Variants in KRT72 observed in about 807,000 individuals in gnomAD.
KRT72 encodes the protein keratin, type II cytoskeletal 72.
KRT72 carries 44 observed loss-of-function variants against 44.7 expected under a neutral mutation model. The ratio of observed to expected loss-of-function variants is 0.98; its 90% confidence interval spans 0.77 to 1.27. The LOEUF is 1.27. Among genes scored for constraint, KRT72 ranks in the 50% most tolerant of loss-of-function variants. KRT72 has a pLI of 0.00. For synonymous variants in KRT72, 302 were observed against 280.4 expected (o/e 1.08, Z -0.77); for missense variants, 736 against 667.1 (o/e 1.10, Z -1.14).
Position 52,601,015 on chromosome 12 carries a change from C to T in KRT72, c.426+12G>A. Reference sequence around the variant, plus strand: ...GCCCAACGCAGGGACAGGCCAATGCCCGAGGACTCACCTTGTCGATGAAGG... The same window carrying T: ...GCCCAACGCAGGGACAGGCCAATGCTCGAGGACTCACCTTGTCGATGAAGG... On this transcript the variant is annotated intron_variant, in intron 1 of 8. Coordinates refer to ENST00000293745, the MANE Select transcript of KRT72 (RefSeq NM_080747.3). 2 of 1,610,882 alleles carry T rather than the reference C, an allele frequency of 1.2e-6. No individual in the cohort carries two copies. The highest frequency in any genetic ancestry group is 1.7e-6 in the Non-Finnish European group (2 of 1,179,004).
upstream of KRT72, chr12:52,601,483 G>C (rs1403904465): frequency 6.5e-7 from 1 of 1,529,448 alleles, no homozygotes; most frequent in African/African-American, 1.4e-5. Context: ...GGCCGCGCGG[G>C]AGGCAGAAGG....
upstream of KRT72, among the ~76,000 whole-genome samples, chr12:52,602,667 C>T (rs777859111): frequency 3.7e-4 from 56 of 152,322 alleles, no homozygotes; most frequent in Non-Finnish European, 6.9e-4. Flanking sequence ...CTCTGCTCCC[C>T]CAGTGCTCAG....
intron 2 of KRT72, among the ~76,000 whole-genome samples, chr12:52,594,919 A>T (rs935737989): frequency 6.6e-6 from 1 of 152,206 alleles, no homozygotes; most frequent in African/African-American, 2.4e-5. Flanking sequence ...TGTCTTATTC[A>T]AAAGATAACT....
In KRT72 at chr12:52,590,940, C is replaced by T. The variant is rs746246094; in HGVS notation, c.985G>A (p.Ala329Thr). The T allele has an allele frequency of 3.1e-6, 5 of 1,600,184 alleles. No individual in the cohort carries two copies. The Admixed American group carries it at 8.4e-5, about 27-fold the overall frequency. Residue 329 changes from alanine (A) to threonine (T), a missense_variant, in exon 6 of 9, where the codon GCA becomes ACA. Physicochemically the swap from Ala to Thr is moderately conservative, Grantham distance 58 (BLOSUM62 0). Coordinates refer to ENST00000293745, the MANE Select transcript of KRT72 (RefSeq NM_080747.3). The stretch of plus-strand genomic sequence containing the variant: ...TTGAGGTCATCCCCATGCTGGCCTG[C>T]TGTGACCTGCAGCTCCTGGATCTGA... ...QTKIQELQVT[A>T]GQHGDDLKLT...
chr12:52,588,405 A>G, intron 6 of KRT72, among the ~76,000 whole-genome samples: 2 of 152,244 alleles, frequency 1.3e-5, no homozygotes, highest in East Asian at 3.8e-4. Context: ...TGGGAACGGA[A>G]AACCAAACAC....
At chr12:52,600,771 T>G (rs889844878) in intron 1 of KRT72, among the ~76,000 whole-genome samples, 1 of 151,974 alleles carries the variant, frequency 6.6e-6, no homozygotes, top group Non-Finnish European at 1.5e-5. Flanking sequence ...ATCAGCAGCA[T>G]GAAAATGGGC....
chr12:52,600,558 TCTC>T (rs1255159803), intron 1 of KRT72, among the ~76,000 whole-genome samples: 1 of 152,208 alleles, frequency 6.6e-6, no homozygotes, highest in Non-Finnish European at 1.5e-5. Context: ...CTCCTGCTAT[TCTC>T]CTAATAGTGA....
chr12:52,601,371 C>T lies in KRT72; in HGVS notation c.82G>A (p.Gly28Ser). The T allele has an allele frequency of 1.9e-6, 3 of 1,543,262 alleles. No individual in the cohort carries two copies. The highest frequency in any genetic ancestry group is 1.7e-6 in the Non-Finnish European group (2 of 1,146,892). ...GCCCGGAATGAGGCGGAGCTGCTGC[C>T]GATCCCGCCAGAGAGGACCGCGGAG... ...GCSAVLSGGI[G>S]SSSASFRARV... Residue 28 changes from glycine to serine, a missense_variant, in exon 1 of 9, where the codon GGC becomes AGC. Physicochemically the swap from Gly to Ser is moderately conservative, Grantham distance 56. Coordinates refer to ENST00000293745, the MANE Select transcript of KRT72 (RefSeq NM_080747.3).
At chr12:52,587,118 T>G (rs71443262) in intron 7 of KRT72, 138 bp from the exon 8 acceptor site, 182,548 of 755,344 alleles carry the variant, frequency 0.24, 24,238 homozygotes, top group South Asian at 0.34. Flanking sequence ...TTCCCACACA[T>G]CCCAGTGCGA....
chr12:52,586,715 T>C (rs542469215), intron 8 of KRT72, among the ~76,000 whole-genome samples: 6 of 152,224 alleles, frequency 3.9e-5, no homozygotes, highest in East Asian at 3.8e-4. Flanking sequence ...CGTTGGATGA[T>C]ACACTCATGA....
At position 52,601,330 on chromosome 12, in the gene KRT72, C is replaced by A; in HGVS notation, c.123G>T (p.Ser41=). The change falls in exon 1 of 9, where the codon TCG becomes TCT. Residue 41 remains serine, a synonymous_variant. Coordinates refer to ENST00000293745, the MANE Select transcript of KRT72 (RefSeq NM_080747.3). ...AGAGGCTCTTGCTGCCAAAGGAGGCCGAGCCCTTGACCCGGGCCCGGAATG... is the reference window on the plus strand; with the variant it reads ...AGAGGCTCTTGCTGCCAAAGGAGGCAGAGCCCTTGACCCGGGCCCGGAATG... ...SASFRARVKG[S]ASFGSKSLSC... 1.3e-6 allele frequency: 2 copies of A among 1,545,216 alleles called. No homozygotes were observed. Among genetic ancestry groups the A allele is most frequent in the Non-Finnish European group, 8.7e-7 (1 of 1,146,914 alleles).
intron 4 of KRT72, among the ~76,000 whole-genome samples, chr12:52,591,984 C>T (rs527771073): frequency 3.3e-5 from 5 of 152,310 alleles, no homozygotes; most frequent in African/African-American, 1.2e-4. Context: ...GGCCTCTGCG[C>T]CCTTCTTCAT....
At chr12:52,602,635 C>T (rs141658747), upstream of KRT72, among the ~76,000 whole-genome samples, 1 of 152,312 alleles carries the variant, frequency 6.6e-6, no homozygotes, top group Non-Finnish European at 1.5e-5. Context: ...TTGACAGGGC[C>T]CCCTGGATTC....
chr12:52,589,696 G>A (rs938664716), intron 6 of KRT72, among the ~76,000 whole-genome samples: 3 of 152,022 alleles, frequency 2.0e-5, no homozygotes, highest in Non-Finnish European at 2.9e-5. Context: ...CCTTAGCTGA[G>A]GGCCCTCAAA....
At chr12:52,588,713 T>A (rs932453733) in intron 6 of KRT72, among the ~76,000 whole-genome samples, 9 of 151,996 alleles carry the variant, frequency 5.9e-5, no homozygotes, top group African/African-American at 2.2e-4. Context: ...ATAAATAAAA[T>A]AGACTGGGCA....
Position 52,590,929 on chromosome 12 carries a change from A to C in KRT72, c.996T>G (p.His332Gln). ...IQELQVTAGQHGDDLKLTKAE... is the reference protein window; with the variant it reads ...IQELQVTAGQQGDDLKLTKAE... ...CCTTGGTGAGCTTGAGGTCATCCCCATGCTGGCCTGCTGTGACCTGCAGCT... is the reference window on the plus strand; with the variant it reads ...CCTTGGTGAGCTTGAGGTCATCCCCCTGCTGGCCTGCTGTGACCTGCAGCT... The change falls in exon 6 of 9, where the codon CAT becomes CAG. Residue 332 changes from histidine (H) to glutamine (Q), a missense_variant. Physicochemically the swap from His to Gln is conservative, Grantham distance 24 (BLOSUM62 0). Coordinates refer to ENST00000293745, the MANE Select transcript of KRT72 (RefSeq NM_080747.3). 6.2e-7 allele frequency: 1 copy of C among 1,605,768 alleles called. No homozygotes were observed. Among genetic ancestry groups the C allele is most frequent in the Non-Finnish European group, 8.5e-7 (1 of 1,174,196 alleles).
intron 8 of KRT72, 26 bp downstream of exon 8, chr12:52,586,920 C>A (rs367933614): frequency 1.2e-6 from 2 of 1,610,012 alleles, no homozygotes; most frequent in African/African-American, 2.7e-5. Flanking sequence ...TGACCAAGGG[C>A]AGAACTGAGA....
At chr12:52,598,082 G>T (rs535610575) in intron 2 of KRT72, among the ~76,000 whole-genome samples, 1 of 152,252 alleles carries the variant, frequency 6.6e-6, no homozygotes, top group Non-Finnish European at 1.5e-5. Context: ...CACCATATTT[G>T]TTTCTTCTTG....
At chr12:52,588,432 T>C (rs1386052732) in intron 6 of KRT72, among the ~76,000 whole-genome samples, 1 of 152,172 alleles carries the variant, frequency 6.6e-6, no homozygotes, top group South Asian at 2.1e-4. Flanking sequence ...TTCTCACTTA[T>C]AAGTGGGAGC....
Sources: gnomAD v4.1 joint callset for allele counts (sites outside exome capture counted in the v4.1 genomes callset) on GRCh38, gnomAD v4.1.1 for gene constraint, MANE v1.5 for transcripts, NCBI Gene and HGNC (gene_info 2026-07-23, HGNC 2026-07-21) for gene names.